Variants in ITSN2 observed in about 807,000 individuals in gnomAD.
ITSN2 encodes the protein intersectin 2.
ITSN2 carries 156 observed loss-of-function variants against 243.7 expected under a neutral mutation model. The ratio of observed to expected loss-of-function variants is 0.64; its 90% confidence interval spans 0.56 to 0.73. The LOEUF (loss-of-function observed/expected upper bound fraction) is 0.73. ITSN2 is among the 30% of genes least tolerant of loss of function. The probability of loss-of-function intolerance (pLI) is 0.00; values close to 1 mark genes in which losing one functional copy is unlikely to be tolerated. For synonymous variants in ITSN2, 703 were observed against 699.9 expected, an observed-to-expected ratio of 1.00 and a Z score of -0.07; for missense variants, 1,801 against 1,996.1, an observed-to-expected ratio of 0.90 and a Z score of 1.86.
In ITSN2 at chr2:24,216,152, G is replaced by C; in HGVS notation, c.3887C>G (p.Ser1296Cys). The part of the protein sequence containing the change: ...MIGDILAAEL[S>C]HMQAYIRFCS... The stretch of plus-strand genomic sequence containing the variant: ...GAACCTGATGTAAGCCTGCATGTGG[G>C]ACAGCTCAGCGGCCAGGATGTCCCC... Residue 1296 changes from serine (S) to cysteine (C), a missense_variant, in exon 32 of 40, where the codon TCC (serine) becomes TGC (cysteine). Ser to Cys is a moderately radical substitution (Grantham distance 112). Transcript: ENST00000355123. The C allele has an allele frequency of 1.2e-6, 2 of 1,612,880 alleles. No homozygotes were observed. Among genetic ancestry groups the C allele is most frequent in the Non-Finnish European group, 1.7e-6 (2 of 1,179,438 alleles).
chr2:24,262,156 T>C (rs1245108539), intron 20 of ITSN2, among the ~76,000 whole-genome samples: 1 of 152,224 alleles, frequency 6.6e-6, no homozygotes, highest in Non-Finnish European at 1.5e-5. Context: ...TACTGGCTTT[T>C]GGCTATGGGA....
intron 32 of ITSN2, 147 bp downstream of exon 32, chr2:24,215,902 T>C: frequency 1.9e-6 from 1 of 527,502 alleles, no homozygotes; most frequent in Non-Finnish European, 3.1e-6. Flanking sequence ...CACAAAACAA[T>C]CGGAAAATTC....
Position 24,204,214 on chromosome 2 carries a change from C to T in ITSN2, c.4936+31G>A. ...TCCAGGATCTAGGAAACTGGGAAAG[C>T]CTTTAGATCCCCTGGCTGAGCGACA... On this transcript the variant is annotated intron_variant, in intron 39 of 39. Transcript: ENST00000355123. This position sits in a 1 kb window ranked among gnomAD's most constrained non-coding sequence, Gnocchi z 5.1. 1.2e-6 allele frequency: 2 copies of T among 1,611,174 alleles called. No individual in the cohort carries two copies. Among genetic ancestry groups the T allele is most frequent in the Middle Eastern group, 1.9e-4 (1 of 5,238 alleles).
Position 24,210,784 on chromosome 2 carries a change from G to A in ITSN2, c.4253C>T (p.Ala1418Val), listed in dbSNP as rs1339797021. The change falls in exon 34 of 40, where the codon GCG becomes GTG. Residue 1418 changes from alanine (A) to valine (V), a missense_variant. Around this residue, in one of 5 missense-constraint regions of ITSN2, gnomAD observed 928 missense variants for 1,065.4 expected, o/e 0.87. Coordinates refer to ENST00000355123, the MANE Select transcript of ITSN2 (RefSeq NM_006277.3). ...GCTTAACCACACAGGCCTGACCTCC[G>A]CGAGGCCTTCACACTGCACGTGCGC... is the stretch of plus-strand genomic sequence containing the variant. ...IQAHVQCEGL[A>V]EQLIFNSLTN... 12 of 1,613,582 alleles carry A rather than the reference G, an allele frequency of 7.4e-6. No individual in the cohort carries two copies. Among genetic ancestry groups the A allele is most frequent in the South Asian group, 3.3e-5 (3 of 91,044 alleles).
rs1553340707 is a variant in ITSN2, at chr2:24,210,629, A to AAG, written c.4257+150_4257+151insCT. On this transcript the variant is annotated intron_variant, in intron 34 of 39. Coordinates refer to ENST00000355123, the MANE Select transcript of ITSN2 (RefSeq NM_006277.3). ...GACTCCGTCTCAAAAAAAAAAAAAA[A>AAG]AAAAAGAAAAAAAAATGCCTTTGCA... The AAG allele has an allele frequency of 5.1e-4, 326 of 635,616 alleles. 1 individual carries two copies. Among genetic ancestry groups the AAG allele is most frequent in the Middle Eastern group, 8.7e-4 (2 of 2,286 alleles). The allele number at this position is 635,616 out of a possible 1,614,324, so 39.4% of individuals were successfully genotyped here. A position where few individuals can be genotyped will look rare whatever the true frequency, so the allele number is the denominator to read the frequency against.
chr2:24,283,855 C>T (rs981076925), intron 17 of ITSN2, among the ~76,000 whole-genome samples: 2 of 152,192 alleles, frequency 1.3e-5, no homozygotes, highest in Non-Finnish European at 2.9e-5. Flanking sequence ...GATGAGGAAA[C>T]TTAGTTTAGT....
At chr2:24,310,905 A>G (rs553770723) in intron 5 of ITSN2, among the ~76,000 whole-genome samples, 2 of 152,300 alleles carry the variant, frequency 1.3e-5, no homozygotes, top group Admixed American at 1.3e-4. Context: ...CTAAGAAAAC[A>G]CCTAGCAAAG....
Position 24,301,974 on chromosome 2 carries a change from G to A in ITSN2, c.986C>T (p.Pro329Leu), listed in dbSNP as rs1187444779. 1.9e-6 allele frequency: 3 copies of A among 1,608,586 alleles called. No homozygotes were observed. Among genetic ancestry groups the A allele is most frequent in the East Asian group, 2.2e-5 (1 of 44,468 alleles). Residue 329 changes from proline to leucine, a missense_variant, in exon 10 of 40, where the codon CCA (proline) becomes CTA (leucine). Transcript: ENST00000355123. The part of the protein sequence containing the change: ...PLTLPPELVP[P>L]SFRGGKQIDS... ...CTCCAGGCACACTCACCTGAAAGATGGAGGAACAAGCTCAGGAGGTAAAGT... is the reference window on the plus strand; with the variant it reads ...CTCCAGGCACACTCACCTGAAAGATAGAGGAACAAGCTCAGGAGGTAAAGT...
rs1159290862 is a variant in ITSN2, at chr2:24,328,093, T to C, written c.-11A>G. The stretch of plus-strand genomic sequence containing the variant: ...AAACTGAGCCATCATGGTCCTGAGT[T>C]TTCCTTGCTAGCTCTCAGCCATCTG... On this transcript the variant is annotated 5_prime_UTR_variant, in exon 2 of 40. Coordinates refer to ENST00000355123, the MANE Select transcript of ITSN2 (RefSeq NM_006277.3). 1 of 1,613,804 alleles carries C rather than the reference T, an allele frequency of 6.2e-7. No homozygotes were observed. The highest frequency in any genetic ancestry group is 2.2e-5 in the East Asian group (1 of 44,878).
chr2:24,223,548 G>A (rs1194655665), intron 29 of ITSN2, among the ~76,000 whole-genome samples: 3 of 151,782 alleles, frequency 2.0e-5, no homozygotes, highest in African/African-American at 7.3e-5. Context: ...AGCCAGGCGT[G>A]GTGGCATGTG....
In ITSN2 at chr2:24,356,345, CAA is replaced by C. The variant is rs70944743; in HGVS notation, c.-34+3957_-34+3958del. On this transcript the variant is annotated intron_variant, in intron 1 of 39. Transcript: ENST00000355123. ...TGGGAGACAGAGCAAGACCCTGTCT[CAA>C]AAAAAAAAAAAAAAAGAAAGAAAAA... Among the ~76,000 whole-genome samples, 146 of 109,344 alleles carry C rather than the reference CAA, an allele frequency of 1.3e-3. 1 individual carries two copies. The highest frequency in any genetic ancestry group is 4.8e-3 in the Middle Eastern group (1 of 208). 71.7% of individuals were successfully genotyped at this position (109,344 alleles called of 152,430 possible). A position where few individuals can be genotyped will look rare whatever the true frequency, so the allele number is the denominator to read the frequency against.
At chr2:24,220,534 G>C in intron 30 of ITSN2, 1 of 1,015,946 alleles carries the variant, frequency 9.8e-7, no homozygotes, top group Non-Finnish European at 1.2e-6. Context: ...AGTTCCTCCA[G>C]AGATACCAGT....
At chr2:24,257,257 C>T (rs1422894058) in intron 23 of ITSN2, among the ~76,000 whole-genome samples, 3 of 151,988 alleles carry the variant, frequency 2.0e-5, no homozygotes, top group Non-Finnish European at 4.4e-5. Context: ...GTGGTCGAGG[C>T]TGCAGTGAGC....
chr2:24,300,213 C>T (rs1301379421), intron 11 of ITSN2, 42 bp from the exon 12 acceptor site: 5 of 1,591,788 alleles, frequency 3.1e-6, no homozygotes, highest in Non-Finnish European at 4.3e-6. Flanking sequence ...ACATTAACAG[C>T]CTACAGAACC....
intron 29 of ITSN2, among the ~76,000 whole-genome samples, chr2:24,238,580 T>G (rs527300588): frequency 6.6e-6 from 1 of 152,196 alleles, no homozygotes; most frequent in Non-Finnish European, 1.5e-5. Flanking sequence ...CAATGAGTAT[T>G]AATTTGTAAG....
At chr2:24,248,133 T>C (rs545084153) in intron 27 of ITSN2, among the ~76,000 whole-genome samples, 3 of 152,168 alleles carry the variant, frequency 2.0e-5, no homozygotes, top group East Asian at 3.9e-4. Flanking sequence ...TCAAAACATA[T>C]GCAATAACCA....
intron 30 of ITSN2, among the ~76,000 whole-genome samples, chr2:24,220,092 G>A (rs960369426): frequency 2.6e-5 from 4 of 152,180 alleles, no homozygotes; most frequent in Admixed American, 6.5e-5. Flanking sequence ...TTAGGCCTGC[G>A]TTTAAGGTGG....
At chr2:24,218,328 A>C (rs1670154111) in intron 30 of ITSN2, among the ~76,000 whole-genome samples, 1 of 152,226 alleles carries the variant, frequency 6.6e-6, no homozygotes, top group Non-Finnish European at 1.5e-5. Flanking sequence ...ATGAACACCT[A>C]GGCACTGTAC....
intron 1 of ITSN2, among the ~76,000 whole-genome samples, chr2:24,337,648 C>CTTTTT (rs751387126): frequency 2.5e-5 from 3 of 117,712 alleles, no homozygotes; most frequent in African/African-American, 3.1e-5. Context: ...CCACGCCTGG[C>CTTTTT]TTTTTTTTTT....
Sources: gnomAD v4.1 joint callset for allele counts (sites outside exome capture counted in the v4.1 genomes callset) on GRCh38, gnomAD v4.1.1 for gene constraint, gnomAD v4.1.1 regional missense constraint, Gnocchi (gnomAD v3.1) non-coding constraint, MANE v1.5 for transcripts, NCBI Gene and HGNC (gene_info 2026-07-23, HGNC 2026-07-21) for gene names.